MAGI1: variants seen among roughly 807,000 people sequenced by gnomAD.
MAGI1 encodes membrane-associated guanylate kinase, WW and PDZ domain-containing protein 1.
A neutral mutation model predicts 139.9 loss-of-function variants in MAGI1; 58 were observed. That is an observed-to-expected ratio of 0.41 (90% CI 0.34 to 0.52). The LOEUF (loss-of-function observed/expected upper bound fraction) is 0.52, where lower values mean the gene tolerates loss of function less well. Ranked by LOEUF, MAGI1 falls within the 20% of genes least tolerant of loss-of-function variation. The pLI, the probability that MAGI1 is intolerant of heterozygous loss-of-function variation, is 0.12. For missense variants in MAGI1, 1,874 were observed against 1,901.6 expected (o/e 0.99, Z 0.27); for synonymous variants, 812 against 737.9 (o/e 1.10, Z -1.63).
At chr3:65,521,965 G>A (rs921726636) in intron 2 of MAGI1, among the ~76,000 whole-genome samples, 1 of 152,050 alleles carries the variant, frequency 6.6e-6, no homozygotes, top group Non-Finnish European at 1.5e-5. Context: ...ATAAGCTTAA[G>A]GTAATGATGA....
intron 13 of MAGI1, among the ~76,000 whole-genome samples, chr3:65,400,507 A>G (rs1456012994): frequency 6.6e-6 from 1 of 152,114 alleles, no homozygotes; most frequent in African/African-American, 2.4e-5. Context: ...TCTAAACCAC[A>G]TGGAAACATC....
At chr3:65,442,896 G>T (rs1336539341) in intron 7 of MAGI1, 47 bp from the exon 8 acceptor site, 1 of 1,454,976 alleles carries the variant, frequency 6.9e-7, no homozygotes, top group East Asian at 2.3e-5. Flanking sequence ...TATTCTTGAA[G>T]AGCCTGGGTG....
chr3:65,410,897 CT>C (rs1315099850), intron 12 of MAGI1, among the ~76,000 whole-genome samples: 1 of 152,136 alleles, frequency 6.6e-6, no homozygotes, highest in Non-Finnish European at 1.5e-5. Context: ...TGGGCAGGAG[CT>C]TTTTCTAGCT....
intron 2 of MAGI1, among the ~76,000 whole-genome samples, chr3:65,561,327 A>C (rs529385385): frequency 1.3e-5 from 2 of 152,300 alleles, no homozygotes; most frequent in East Asian, 3.9e-4. Flanking sequence ...CCTTAACAAC[A>C]GGACACCCAA....
intron 1 of MAGI1, among the ~76,000 whole-genome samples, chr3:65,848,996 G>A (rs2059104698): frequency 9.4e-6 from 1 of 106,266 alleles, no homozygotes; most frequent in South Asian, 3.9e-4. Context: ...ACTATTCAGA[G>A]CATTCTTTTT....
Position 65,865,106 on chromosome 3 carries a change from T to C in MAGI1, c.313+172890A>G, listed in dbSNP as rs187622902. Reference sequence around the variant, plus strand: ...TAACTATGCCATACACACAACTACATAGACACACCTACAGAGAGGGTCTAT... The same window carrying C: ...TAACTATGCCATACACACAACTACACAGACACACCTACAGAGAGGGTCTAT... On this transcript the variant is annotated intron_variant, in intron 1 of 22. Coordinates refer to ENST00000402939, the MANE Select transcript of MAGI1 (RefSeq NM_001033057.2). Among the ~76,000 whole-genome samples, 134 of 152,236 alleles carry C rather than the reference T, an allele frequency of 8.8e-4. 1 individual carries two copies. Among genetic ancestry groups the C allele is most frequent in the Admixed American group, 7.6e-3 (116 of 15,284 alleles).
chr3:66,014,602 T>C (rs114994427), intron 1 of MAGI1, among the ~76,000 whole-genome samples: 1,775 of 152,334 alleles, frequency 0.012, 44 homozygotes, highest in African/African-American at 0.04. Context: ...TTTTATGAGT[T>C]TGAGTATTTC....
At chr3:65,773,653 G>T (rs957191049) in intron 1 of MAGI1, among the ~76,000 whole-genome samples, 1 of 152,134 alleles carries the variant, frequency 6.6e-6, no homozygotes, top group African/African-American at 2.4e-5. Context: ...ATATGCCTTG[G>T]AATTCTAAGT....
intron 1 of MAGI1, among the ~76,000 whole-genome samples, chr3:65,736,764 ATCT>A (rs2034775455): frequency 6.6e-6 from 1 of 152,212 alleles, no homozygotes. Context: ...GTGATGGCAG[ATCT>A]TCTTTACTCA....
chr3:65,591,768 C>T (rs2081974353), intron 2 of MAGI1, among the ~76,000 whole-genome samples: 1 of 152,234 alleles, frequency 6.6e-6, no homozygotes, highest in African/African-American at 2.4e-5. Context: ...TCTGAAAATG[C>T]AGGTACCACT....
chr3:65,757,638 A>G (rs2036670930), intron 1 of MAGI1, among the ~76,000 whole-genome samples: 1 of 152,206 alleles, frequency 6.6e-6, no homozygotes, highest in African/African-American at 2.4e-5. Context: ...ACTTCATCTC[A>G]ATAAATTATT....
At chr3:65,516,827 A>C (rs1576146284) in intron 2 of MAGI1, among the ~76,000 whole-genome samples, 5 of 136,190 alleles carry the variant, frequency 3.7e-5, no homozygotes, top group African/African-American at 1.1e-4. Flanking sequence ...TCCCGGGTTC[A>C]CGCCATTCTC....
intron 4 of MAGI1, among the ~76,000 whole-genome samples, chr3:65,476,517 T>A (rs1484983366): frequency 1.3e-5 from 2 of 152,166 alleles, no homozygotes; most frequent in African/African-American, 4.8e-5. Flanking sequence ...GAGAGATTGA[T>A]AGTAGTTAGA....
At chr3:65,737,300 C>A (rs1189122367) in intron 1 of MAGI1, among the ~76,000 whole-genome samples, 1 of 152,226 alleles carries the variant, frequency 6.6e-6, no homozygotes, top group East Asian at 1.9e-4. Flanking sequence ...CCACTGCGCC[C>A]AGCGCATCAA....
intron 1 of MAGI1, among the ~76,000 whole-genome samples, chr3:65,885,575 T>C (rs1266528476): frequency 1.3e-5 from 2 of 151,946 alleles, no homozygotes; most frequent in Non-Finnish European, 2.9e-5. Flanking sequence ...CAGTGGGAGG[T>C]ACCTTAATCA....
intron 1 of MAGI1, among the ~76,000 whole-genome samples, chr3:65,665,621 T>C (rs570016550): frequency 5.9e-5 from 9 of 152,204 alleles, no homozygotes; most frequent in Non-Finnish European, 1.2e-4. Context: ...AACCTAATCC[T>C]GTATTTCCCT....
intron 2 of MAGI1, among the ~76,000 whole-genome samples, chr3:65,541,037 C>A (rs931593314): frequency 6.6e-6 from 1 of 152,112 alleles, no homozygotes; most frequent in East Asian, 1.9e-4. Flanking sequence ...AAGATATATT[C>A]TTTCCAAGGG....
chr3:65,760,564 C>T (rs143617445), intron 1 of MAGI1, among the ~76,000 whole-genome samples: 209 of 152,102 alleles, frequency 1.4e-3, no homozygotes, highest in African/African-American at 4.7e-3. Flanking sequence ...CACACCACTA[C>T]GCCCAACTAA....
intron 1 of MAGI1, among the ~76,000 whole-genome samples, chr3:65,690,719 A>AT (rs2088525568): frequency 8.7e-6 from 1 of 114,588 alleles, no homozygotes; most frequent in African/African-American, 4.2e-5. Context: ...ACCTCAAGTG[A>AT]TCCACCTCCC....
Sources: gnomAD v4.1 joint callset for allele counts (sites outside exome capture counted in the v4.1 genomes callset) on GRCh38, gnomAD v4.1.1 for gene constraint, MANE v1.5 for transcripts, NCBI Gene and HGNC (gene_info 2026-07-23, HGNC 2026-07-21) for gene names.